FAM13A: variants seen among roughly 807,000 people sequenced by gnomAD.
The protein encoded by FAM13A is protein FAM13A.
In FAM13A, 76 loss-of-function variants were observed where a neutral mutation model predicts 129.6. The observed-to-expected ratio is 0.59, with a 90% confidence interval of 0.49 to 0.71. The LOEUF is 0.71. Among genes scored for constraint, FAM13A ranks in the 30% least tolerant of loss-of-function variants. The probability of loss-of-function intolerance (pLI) is 0.00; values close to 1 mark genes in which losing one functional copy is unlikely to be tolerated. For synonymous variants in FAM13A, 443 were observed against 449.9 expected, an observed-to-expected ratio of 0.98 and a Z score of 0.20; for missense variants, 1,108 against 1,249.3, an observed-to-expected ratio of 0.89 and a Z score of 1.70.
chr4:89,056,321 A>C (rs1375585084), intron 1 of FAM13A, among the ~76,000 whole-genome samples: 1 of 152,204 alleles, frequency 6.6e-6, no homozygotes, highest in South Asian at 2.1e-4. Flanking sequence ...TAAAAATTCT[A>C]AAACTCCAGA....
intron 7 of FAM13A, among the ~76,000 whole-genome samples, chr4:88,820,944 T>C (rs1448553292): frequency 6.6e-6 from 1 of 152,192 alleles, no homozygotes; most frequent in Non-Finnish European, 1.5e-5. Flanking sequence ...TTCTATCCCT[T>C]GGTGCTCTTA....
At chr4:88,879,170 G>C (rs960660207) in intron 6 of FAM13A, among the ~76,000 whole-genome samples, 17 of 152,126 alleles carry the variant, frequency 1.1e-4, no homozygotes, top group African/African-American at 4.1e-4. Context: ...AAGCAATATA[G>C]AGCTTTAGCA....
rs1250632673 is a variant in FAM13A, at chr4:89,027,708, T to C, written c.217+1752A>G. 3.9e-5 allele frequency among the ~76,000 whole-genome samples: 6 copies of C among 152,102 alleles called. No homozygotes were observed. In the East Asian group the frequency reaches 1.2e-3, roughly 29 times the overall value. ...TTATTATTCTTGCGCTTTGGGGCCA[T>C]TATTAAGTAAAATAAGAGTCACCTG... On this transcript the variant is annotated intron_variant, in intron 2 of 23. Coordinates refer to ENST00000264344, the MANE Select transcript of FAM13A (RefSeq NM_014883.4).
Position 88,911,688 on chromosome 4 carries a change from C to T in FAM13A, c.760-5226G>A, listed in dbSNP as rs1160661042. Among the ~76,000 whole-genome samples, 3 of 152,216 alleles carry T rather than the reference C, an allele frequency of 2.0e-5. No homozygotes were observed. The South Asian group carries it at 6.2e-4, about 32-fold the overall frequency. Reference sequence around the variant, plus strand: ...GTGGATCTCATCTCCTTTCATCTCCCCAAAGGCTGCTCCTTCAACGGTCTC... The same window carrying T: ...GTGGATCTCATCTCCTTTCATCTCCTCAAAGGCTGCTCCTTCAACGGTCTC... On this transcript the variant is annotated intron_variant, in intron 5 of 23. Coordinates refer to ENST00000264344, the MANE Select transcript of FAM13A (RefSeq NM_014883.4).
At chr4:88,750,685 G>A (rs373345888) in intron 14 of FAM13A, 48 bp from the exon 15 acceptor site, 9 of 1,441,802 alleles carry the variant, frequency 6.2e-6, no homozygotes, top group Middle Eastern at 1.9e-4. Context: ...AAAGAGGTCA[G>A]GGTTGTTCTT....
chr4:88,830,504 G>A (rs956923740), intron 7 of FAM13A, among the ~76,000 whole-genome samples: 2 of 152,122 alleles, frequency 1.3e-5, no homozygotes, highest in Non-Finnish European at 2.9e-5. Context: ...ATAATTTAAT[G>A]TGTTTCCTCA....
chr4:88,959,474 C>T (rs1758291923), intron 4 of FAM13A, among the ~76,000 whole-genome samples: 1 of 152,168 alleles, frequency 6.6e-6, no homozygotes. Context: ...CATCTCCTTG[C>T]CTCTGCCACT....
chr4:88,975,888 CA>C (rs1760835351), intron 4 of FAM13A, among the ~76,000 whole-genome samples: 2 of 152,126 alleles, frequency 1.3e-5, no homozygotes, highest in Admixed American at 1.3e-4. Flanking sequence ...CTCTAAAGGA[CA>C]AAACACCAGT....
At position 88,781,225 on chromosome 4, in the gene FAM13A, A is replaced by G; in HGVS notation, c.1398T>C (p.Pro466=). The G allele has an allele frequency of 6.2e-7, 1 of 1,612,234 alleles. No individual in the cohort carries two copies. The highest frequency in any genetic ancestry group is 8.5e-7 in the Non-Finnish European group (1 of 1,179,112). ...GTTTAGTACTGGATTTCTGACGTTT[A>G]GGCTTGCTCCTTTCTCCAGCACAAC... The part of the protein sequence containing the change: ...TFGCAGERSK[P]KRQKSSTKLS... The change falls in exon 11 of 24, where the codon CCT becomes CCC. Residue 466 remains proline (P), a synonymous_variant. Transcript: ENST00000264344.
At chr4:88,843,804 A>G (rs1172364231) in intron 7 of FAM13A, among the ~76,000 whole-genome samples, 1 of 152,198 alleles carries the variant, frequency 6.6e-6, no homozygotes, top group Non-Finnish European at 1.5e-5. Context: ...AGCCTTGTAA[A>G]ACAATGAATT....
intron 6 of FAM13A, among the ~76,000 whole-genome samples, chr4:88,863,082 T>A (rs1739772624): frequency 1.3e-5 from 2 of 151,912 alleles, no homozygotes; most frequent in Non-Finnish European, 2.9e-5. Flanking sequence ...CAGTGATGAG[T>A]GCCTTTTTGC....
chr4:88,891,670 A>G (rs1745350771), intron 6 of FAM13A, among the ~76,000 whole-genome samples: 1 of 152,202 alleles, frequency 6.6e-6, no homozygotes, highest in Non-Finnish European at 1.5e-5. Flanking sequence ...TCTATCAATA[A>G]AACTCCTCAC....
chr4:89,006,428 G>A (rs76969248), intron 3 of FAM13A, among the ~76,000 whole-genome samples: 13,890 of 152,256 alleles, frequency 0.091, 666 homozygotes, highest in Middle Eastern at 0.11. Flanking sequence ...TGAGAGGGAA[G>A]AATTCCCTGC....
intron 5 of FAM13A, among the ~76,000 whole-genome samples, chr4:88,912,564 T>TAC (rs1170258583): frequency 2.3e-5 from 2 of 87,292 alleles, no homozygotes; most frequent in East Asian, 3.8e-4. Flanking sequence ...TTTACACACA[T>TAC]ACATACACAC....
In FAM13A at chr4:89,029,645, CT is replaced by C; in HGVS notation, c.31del (p.Ser11ValfsTer7). MGAGALAICQ[S>X]KAAVRLKEDM... ...TTCTTTCAGCCGAACCGCTGCTTTACTTTGCTTAAAGGAGCGTAAGAAAAAA... is the reference window on the plus strand; with the variant it reads ...TTCTTTCAGCCGAACCGCTGCTTTACTTGCTTAAAGGAGCGTAAGAAAAAA... On this transcript the variant is annotated frameshift_variant, in exon 2 of 24. Coordinates refer to ENST00000264344, the MANE Select transcript of FAM13A (RefSeq NM_014883.4). LOFTEE classifies it high-confidence loss of function. 6.3e-7 allele frequency: 1 copy of C among 1,575,202 alleles called. No homozygotes were observed.
Position 88,758,881 on chromosome 4 carries a change from C to T in FAM13A, c.1599G>A (p.Gln533=). The part of the protein sequence containing the change: ...QHFESPTMKI[Q]EHPSLSDTKQ... ...TGGTGTCAGATAGGCTGGGATGCTC[C>T]TGGATCTTCATTGTGGGGCTCTGCA... Residue 533 remains glutamine, a synonymous_variant, in exon 14 of 24, where the codon CAG becomes CAA. Transcript: ENST00000264344. The T allele has an allele frequency of 6.2e-7, 1 of 1,613,958 alleles. No homozygotes were observed. Among genetic ancestry groups the T allele is most frequent in the Non-Finnish European group, 8.5e-7 (1 of 1,179,874 alleles).
chr4:88,907,360 T>C (rs1309944851), intron 5 of FAM13A, among the ~76,000 whole-genome samples: 2 of 152,234 alleles, frequency 1.3e-5, no homozygotes, highest in African/African-American at 2.4e-5. Context: ...ATCTAAATCA[T>C]ACATTTTTTA....
intron 4 of FAM13A, among the ~76,000 whole-genome samples, chr4:88,988,907 G>A (rs1010769935): frequency 1.3e-5 from 2 of 152,122 alleles, no homozygotes; most frequent in Admixed American, 6.5e-5. Flanking sequence ...ATTGTATAAC[G>A]TTGTACCACA....
chr4:89,053,522 G>A (rs907834015), intron 1 of FAM13A, among the ~76,000 whole-genome samples: 7 of 152,030 alleles, frequency 4.6e-5, no homozygotes, highest in African/African-American at 1.4e-4. Context: ...GCGACTGTAC[G>A]TTCCTGCTTG....
Sources: gnomAD v4.1 joint callset for allele counts (sites outside exome capture counted in the v4.1 genomes callset) on GRCh38, gnomAD v4.1.1 for gene constraint, MANE v1.5 for transcripts, NCBI Gene and HGNC (gene_info 2026-07-23, HGNC 2026-07-21) for gene names.